The following DLGAP2 variants were observed in gnomAD, a reference collection of about 807,000 sequenced individuals.
DLGAP2 encodes disks large-associated protein 2.
In DLGAP2, 26 loss-of-function variants were observed where a neutral mutation model predicts 100.3. The observed-to-expected ratio is 0.26, with a 90% CI of 0.19 to 0.36. DLGAP2 has a LOEUF of 0.36. Ranked by LOEUF, DLGAP2 falls within the 10% of genes least tolerant of loss-of-function variation. The probability of loss-of-function intolerance (pLI) is 1.00; values close to 1 mark genes in which losing one functional copy is unlikely to be tolerated. For synonymous variants in DLGAP2, 886 were observed against 630.1 expected (o/e 1.41, Z -6.08); for missense variants, 1,858 against 1,453.2 (o/e 1.28, Z -4.53).
intron 3 of DLGAP2, among the ~76,000 whole-genome samples, chr8:1,460,387 A>G (rs35726518): frequency 4.7e-4 from 72 of 152,358 alleles, no homozygotes; most frequent in South Asian, 2.3e-3. Flanking sequence ...AATGTGTCAG[A>G]TGCTGGCTAG....
chr8:1,429,619 C>T (rs141905463), intron 3 of DLGAP2, among the ~76,000 whole-genome samples: 1 of 152,110 alleles, frequency 6.6e-6, no homozygotes, highest in African/African-American at 2.4e-5. Context: ...TCCACAGCCA[C>T]TGAGAGGAGG....
chr8:918,145 C>T (rs35683446), intron 2 of DLGAP2, among the ~76,000 whole-genome samples: 40,716 of 151,986 alleles, frequency 0.27, 6,211 homozygotes, highest in Admixed American at 0.38. Flanking sequence ...ATCTCAACCT[C>T]GTCTGAATTC....
intron 6 of DLGAP2, among the ~76,000 whole-genome samples, chr8:1,590,203 G>T (rs900529849): frequency 6.6e-6 from 1 of 152,076 alleles, no homozygotes; most frequent in East Asian, 1.9e-4. Flanking sequence ...AACTCATTTC[G>T]TCTGCAGTGA....
At chr8:770,632 C>A (rs115133797) in intron 1 of DLGAP2, among the ~76,000 whole-genome samples, 1 of 152,102 alleles carries the variant, frequency 6.6e-6, no homozygotes, top group Admixed American at 6.5e-5. Context: ...CCTGTTTGGC[C>A]GAGGAAGATT....
At chr8:973,861 G>A (rs1479081776) in intron 2 of DLGAP2, among the ~76,000 whole-genome samples, 4 of 34 alleles carry the variant, frequency 0.12, no homozygotes, top group East Asian at 0.5. Flanking sequence ...TGGCGGCTGC[G>A]ACCACGGGCC....
At chr8:1,226,859 A>G (rs1313504752) in intron 2 of DLGAP2, among the ~76,000 whole-genome samples, 1 of 152,054 alleles carries the variant, frequency 6.6e-6, no homozygotes, top group Non-Finnish European at 1.5e-5. Context: ...GAAAAGAGAG[A>G]GGAGATAACA....
chr8:1,548,626 A>C lies in DLGAP2; in HGVS notation c.173A>C (p.Asp58Ala), dbSNP rs1286143021. The C allele has an allele frequency of 6.6e-7, 1 of 1,516,130 alleles. No homozygotes were observed. Among genetic ancestry groups the C allele is most frequent in the African/African-American group, 1.4e-5 (1 of 71,696 alleles). The allele number at this position is 1,516,130 out of a possible 1,614,324, so 93.9% of individuals were successfully genotyped here. A position where few individuals can be genotyped will look rare whatever the true frequency, so the allele number is the denominator to read the frequency against. Residue 58 changes from aspartate to alanine, a missense_variant and splice_region_variant, in exon 5 of 15, where the codon GAC (aspartate) becomes GCC (alanine). Coordinates refer to ENST00000637795, the MANE Select transcript of DLGAP2 (RefSeq NM_001346810.2). The part of the protein sequence containing the change: ...SFPGPAEEDL[D>A]PQYSWSPTQH... ...CAATGCCGTTTCTGTTTCCCCACAG[A>C]CCCGCAGTACTCATGGTCGCCCACG...
At chr8:1,309,035 C>A (rs1378684631) in intron 3 of DLGAP2, among the ~76,000 whole-genome samples, 1 of 151,900 alleles carries the variant, frequency 6.6e-6, no homozygotes, top group African/African-American at 2.4e-5. Context: ...AAATATGGTA[C>A]AGATGACATT....
intron 2 of DLGAP2, among the ~76,000 whole-genome samples, chr8:1,237,360 ACATGGCG>A (rs1189718397): frequency 2.3e-5 from 2 of 85,954 alleles, no homozygotes; most frequent in Non-Finnish European, 4.5e-5. Context: ...TAGTTCTCTC[ACATGGCG>A]CCGTGTCTGT....
intron 6 of DLGAP2, among the ~76,000 whole-genome samples, chr8:1,606,240 C>G (rs1796794747): frequency 6.6e-6 from 1 of 152,150 alleles, no homozygotes; most frequent in African/African-American, 2.4e-5. Flanking sequence ...CTCTTCGTAT[C>G]TTATTTTCCT....
chr8:908,952 T>G (rs1798432384), intron 2 of DLGAP2, among the ~76,000 whole-genome samples: 1 of 151,936 alleles, frequency 6.6e-6, no homozygotes, highest in Non-Finnish European at 1.5e-5. Context: ...TACTGTTGAC[T>G]CACCACTAAG....
intron 2 of DLGAP2, among the ~76,000 whole-genome samples, chr8:1,104,243 A>G (rs753255449): frequency 1.2e-3 from 184 of 152,122 alleles, no homozygotes; most frequent in Non-Finnish European, 2.2e-3. Flanking sequence ...AGGGGCGTGC[A>G]CTGGATAGTG....
intron 2 of DLGAP2, among the ~76,000 whole-genome samples, chr8:942,116 C>A (rs894114468): frequency 1.3e-5 from 2 of 152,144 alleles, no homozygotes; most frequent in African/African-American, 4.8e-5. Flanking sequence ...GCCACTATGT[C>A]CAGCTAATAT....
chr8:1,357,169 A>G (rs1205894813), intron 3 of DLGAP2, among the ~76,000 whole-genome samples: 1 of 152,126 alleles, frequency 6.6e-6, no homozygotes, highest in Non-Finnish European at 1.5e-5. Flanking sequence ...GGACCAGGAA[A>G]CGAGCCGCTG....
intron 3 of DLGAP2, among the ~76,000 whole-genome samples, chr8:1,314,226 T>C (rs772493144): frequency 6.6e-6 from 1 of 152,206 alleles, no homozygotes; most frequent in Non-Finnish European, 1.5e-5. Flanking sequence ...CAGTTATCCG[T>C]TTTAATTGAG....
intron 2 of DLGAP2, among the ~76,000 whole-genome samples, chr8:1,150,506 C>A (rs1796678242): frequency 6.6e-6 from 1 of 152,146 alleles, no homozygotes; most frequent in South Asian, 2.1e-4. Context: ...CAGGACTGTG[C>A]CAGATTTGTC....
At chr8:1,513,088 G>T (rs1301708252) in intron 4 of DLGAP2, among the ~76,000 whole-genome samples, 3 of 151,398 alleles carry the variant, frequency 2.0e-5, no homozygotes, top group African/African-American at 7.3e-5. Context: ...GCCTTTCCCA[G>T]TGCAGGGCAA....
At chr8:1,550,700 G>C (rs771967394) in intron 5 of DLGAP2, among the ~76,000 whole-genome samples, 6 of 152,198 alleles carry the variant, frequency 3.9e-5, no homozygotes, top group Non-Finnish European at 8.8e-5. Flanking sequence ...CCTAGAGCTG[G>C]CATATTGCAG....
chr8:1,349,900 A>G (rs1801668407), intron 3 of DLGAP2, among the ~76,000 whole-genome samples: 1 of 152,340 alleles, frequency 6.6e-6, no homozygotes. Flanking sequence ...TTTGTTTAAT[A>G]TTGAAAACAA....
Sources: allele counts gnomAD v4.1 joint callset (sites outside exome capture counted in the v4.1 genomes callset), GRCh38; gene constraint gnomAD v4.1.1; transcripts MANE v1.5; gene names NCBI Gene and HGNC (gene_info 2026-07-23, HGNC 2026-07-21).